The following MFHAS1 variants were observed in gnomAD, a reference collection of about 807,000 sequenced individuals.
The protein encoded by MFHAS1 is malignant fibrous histiocytoma-amplified sequence 1.
MFHAS1 carries 50 observed loss-of-function variants against 70.4 expected under a neutral mutation model. The observed-to-expected ratio is 0.71, with a 90% CI of 0.57 to 0.90. The LOEUF (loss-of-function observed/expected upper bound fraction) is 0.90. MFHAS1 is among the 40% of genes least tolerant of loss of function. MFHAS1 has a pLI of 0.00. For synonymous variants in MFHAS1, 952 were observed against 620.0 expected (o/e 1.54, Z -7.96); for missense variants, 1,795 against 1,347.6 (o/e 1.33, Z -5.20).
intron 1 of MFHAS1, among the ~76,000 whole-genome samples, chr8:8,850,811 CAAAAAAA>C (rs149181304): frequency 2.6e-3 from 274 of 105,504 alleles, no homozygotes; most frequent in African/African-American, 9.2e-3. Flanking sequence ...AACTCCGTCT[CAAAAAAA>C]AAAAAAAAAA....
Position 8,891,299 on chromosome 8 carries a change from C to T in MFHAS1, c.1760G>A (p.Arg587His), listed in dbSNP as rs765020925. ...DEALARDFELRSASPHAAYYG... is the reference protein window; with the variant it reads ...DEALARDFELHSASPHAAYYG... ...GTAGGCTGCGTGGGGGCTGGCAGAG[C>T]GCAGCTCGAAGTCCCGGGCCAGTGC... The change falls in exon 1 of 3, where the codon CGC becomes CAC. Residue 587 changes from arginine to histidine, a missense_variant. Arg to His is a conservative substitution (Grantham distance 29). Coordinates refer to ENST00000276282, the MANE Select transcript of MFHAS1 (RefSeq NM_004225.3). This position sits in a 1 kb window ranked among gnomAD's most constrained non-coding sequence, Gnocchi z 5.4. 9.3e-6 allele frequency: 15 copies of T among 1,611,386 alleles called. No homozygotes were observed. Among genetic ancestry groups the T allele is most frequent in the African/African-American group, 2.7e-5 (2 of 74,948 alleles).
chr8:8,854,771 C>T (rs574135981), intron 1 of MFHAS1, among the ~76,000 whole-genome samples: 8 of 152,200 alleles, frequency 5.3e-5, no homozygotes, highest in Admixed American at 2.0e-4. Context: ...AAAAATTATT[C>T]GTTGCTTACG....
chr8:8,801,527 ACG>A (rs1806084231), intron 1 of MFHAS1, among the ~76,000 whole-genome samples: 1 of 152,226 alleles, frequency 6.6e-6, no homozygotes, highest in Non-Finnish European at 1.5e-5. Flanking sequence ...GATTTAAGAA[ACG>A]TGCACAGTTC....
At chr8:8,868,759 A>G (rs1808957704) in intron 1 of MFHAS1, among the ~76,000 whole-genome samples, 1 of 152,194 alleles carries the variant, frequency 6.6e-6, no homozygotes, top group Non-Finnish European at 1.5e-5. Flanking sequence ...GAAGTTATAA[A>G]TGACTATGCA....
At chr8:8,854,606 A>C (rs1483176707) in intron 1 of MFHAS1, among the ~76,000 whole-genome samples, 1 of 151,500 alleles carries the variant, frequency 6.6e-6, no homozygotes, top group African/African-American at 2.4e-5. Context: ...AATTGCTTGA[A>C]CCTTGGAGGT....
chr8:8,883,728 A>AG (rs1563219862), intron 1 of MFHAS1, among the ~76,000 whole-genome samples: 1 of 150,704 alleles, frequency 6.6e-6, no homozygotes, highest in African/African-American at 2.4e-5. Context: ...AAAAAAAAAA[A>AG]AAAGAAAGGG....
At chr8:8,787,196 T>C (rs748582740) in intron 2 of MFHAS1, among the ~76,000 whole-genome samples, 2 of 151,996 alleles carry the variant, frequency 1.3e-5, no homozygotes, top group African/African-American at 2.4e-5. Flanking sequence ...TTCTCCTGCC[T>C]CAGCCTCCCG....
chr8:8,877,813 T>C (rs369453269), intron 1 of MFHAS1, among the ~76,000 whole-genome samples: 6 of 152,204 alleles, frequency 3.9e-5, no homozygotes, highest in African/African-American at 1.4e-4. Context: ...AAAACTCTAG[T>C]TGATGGGCCA....
chr8:8,805,898 A>G (rs1382996445), intron 1 of MFHAS1, among the ~76,000 whole-genome samples: 5 of 151,644 alleles, frequency 3.3e-5, no homozygotes, highest in African/African-American at 9.7e-5. Flanking sequence ...GGGTTTTGCC[A>G]TGTTGGCCAG....
intron 1 of MFHAS1, among the ~76,000 whole-genome samples, chr8:8,885,306 TA>T (rs1809712086): frequency 6.6e-6 from 1 of 152,186 alleles, no homozygotes; most frequent in Non-Finnish European, 1.5e-5. Context: ...CCTTATTTTT[TA>T]AAATGACCTT....
intron 1 of MFHAS1, among the ~76,000 whole-genome samples, chr8:8,805,274 G>C (rs966752403): frequency 1.3e-5 from 2 of 152,144 alleles, no homozygotes; most frequent in Admixed American, 6.5e-5. Flanking sequence ...AAAAATCCAC[G>C]TATCATTTCT....
At chr8:8,806,401 C>T (rs998541041) in intron 1 of MFHAS1, among the ~76,000 whole-genome samples, 1 of 152,128 alleles carries the variant, frequency 6.6e-6, no homozygotes, top group Non-Finnish European at 1.5e-5. Context: ...ACCTGGCTTA[C>T]GTGGCATGCA....
chr8:8,867,593 T>C (rs912679145), intron 1 of MFHAS1, among the ~76,000 whole-genome samples: 2 of 151,830 alleles, frequency 1.3e-5, no homozygotes, highest in Admixed American at 1.3e-4. Flanking sequence ...GGAGTCTCGC[T>C]GTCTCCTAGG....
intron 1 of MFHAS1, among the ~76,000 whole-genome samples, chr8:8,870,003 G>T (rs1381273629): frequency 2.0e-5 from 3 of 152,148 alleles, no homozygotes; most frequent in Middle Eastern, 3.4e-3. Context: ...CCCTGAGTGT[G>T]CTGACAAAAT....
chr8:8,825,796 A>G (rs1256005235), intron 1 of MFHAS1, among the ~76,000 whole-genome samples: 1 of 152,206 alleles, frequency 6.6e-6, no homozygotes. Flanking sequence ...TTCAGCCATA[A>G]CAAAGGCTAA....
At chr8:8,846,552 G>A (rs78470024) in intron 1 of MFHAS1, among the ~76,000 whole-genome samples, 7,000 of 152,024 alleles carry the variant, frequency 0.046, 530 homozygotes, top group African/African-American at 0.16. Context: ...AATGTTCTCA[G>A]CTCAAAGTTC....
At chr8:8,880,000 C>T (rs1809451819) in intron 1 of MFHAS1, among the ~76,000 whole-genome samples, 1 of 152,216 alleles carries the variant, frequency 6.6e-6, no homozygotes, top group South Asian at 2.1e-4. Context: ...AATTACACAA[C>T]ATTTATTTGT....
At chr8:8,856,347 C>G (rs1188296046) in intron 1 of MFHAS1, among the ~76,000 whole-genome samples, 4 of 152,180 alleles carry the variant, frequency 2.6e-5, no homozygotes, top group African/African-American at 2.4e-5. Flanking sequence ...CAGCCTGGCA[C>G]AGAAACAGCA....
chr8:8,829,254 G>C (rs557142810), intron 1 of MFHAS1, among the ~76,000 whole-genome samples: 21 of 152,280 alleles, frequency 1.4e-4, no homozygotes, highest in African/African-American at 5.1e-4. Context: ...TATGTGTACC[G>C]GGCTGCACCC....
Sources: gnomAD v4.1 joint callset for allele counts (sites outside exome capture counted in the v4.1 genomes callset) on GRCh38, gnomAD v4.1.1 for gene constraint, Gnocchi (gnomAD v3.1) non-coding constraint, MANE v1.5 for transcripts, NCBI Gene and HGNC (gene_info 2026-07-23, HGNC 2026-07-21) for gene names.